ADGB: variants seen among roughly 807,000 people sequenced by gnomAD.
The protein encoded by ADGB is androglobin.
In ADGB, 172 loss-of-function variants were observed where a neutral mutation model predicts 210.5. The ratio of observed to expected loss-of-function variants is 0.82; its 90% CI spans 0.72 to 0.93. The LOEUF is 0.93. Among genes scored for constraint, ADGB ranks in the 40% least tolerant of loss-of-function variants. The pLI is 0.00. For synonymous variants in ADGB, 658 were observed against 662.7 expected, an observed-to-expected ratio of 0.99 and a Z score of 0.11; for missense variants, 2,025 against 1,964.8, an observed-to-expected ratio of 1.03 and a Z score of -0.58.
At chr6:146,773,278 A>G (rs928496133) in intron 29 of ADGB, among the ~76,000 whole-genome samples, 3 of 115,530 alleles carry the variant, frequency 2.6e-5, no homozygotes, top group African/African-American at 7.9e-5. Context: ...AGGCATACAT[A>G]GAGAAAAAAA....
intron 33 of ADGB, among the ~76,000 whole-genome samples, chr6:146,800,137 T>A (rs547297494): frequency 1.4e-3 from 119 of 82,486 alleles, no homozygotes; most frequent in African/African-American, 5.0e-3. Flanking sequence ...TAAACTTTTT[T>A]CTTTTTTTTT....
intron 2 of ADGB, among the ~76,000 whole-genome samples, chr6:146,643,406 C>T (rs566200181): frequency 1.2e-4 from 18 of 151,886 alleles, no homozygotes; most frequent in East Asian, 3.9e-4. Context: ...GAAACTTAGT[C>T]GCTCTTTTTC....
intron 12 of ADGB, among the ~76,000 whole-genome samples, chr6:146,695,913 T>A (rs1414279115): frequency 1.3e-5 from 2 of 152,114 alleles, no homozygotes; most frequent in Non-Finnish European, 2.9e-5. Flanking sequence ...ACCAGTTGAA[T>A]GTAATTGTCC....
chr6:146,814,007 A>ATC (rs66509057), intron 35 of ADGB, among the ~76,000 whole-genome samples: 50,030 of 99,054 alleles, frequency 0.51, 10,391 homozygotes, highest in African/African-American at 0.7. Context: ...TCTCCTTAAA[A>ATC]TCTCTCTCTC....
At chr6:146,710,132 C>CAT (rs1318330007) in intron 13 of ADGB, among the ~76,000 whole-genome samples, 3 of 150,348 alleles carry the variant, frequency 2.0e-5, no homozygotes, top group South Asian at 2.1e-4. Flanking sequence ...AATCATATTA[C>CAT]ATATATATAT....
At chr6:146,657,127 C>T (rs1388099198) in intron 5 of ADGB, 147 bp downstream of exon 5, 50 of 696,348 alleles carry the variant, frequency 7.2e-5, no homozygotes, top group South Asian at 4.2e-5. Context: ...GAGTTCGCAA[C>T]CAGCCTGGGC....
intron 20 of ADGB, among the ~76,000 whole-genome samples, chr6:146,730,158 C>T (rs1776958402): frequency 6.6e-6 from 1 of 152,120 alleles, no homozygotes; most frequent in South Asian, 2.1e-4. Flanking sequence ...TATAAAATTA[C>T]TTATATAAAA....
In ADGB at chr6:146,784,677, G is replaced by A; in HGVS notation, c.4095G>A (p.Leu1365=). 6.4e-7 allele frequency: 1 copy of A among 1,551,208 alleles called. No individual in the cohort carries two copies. Among genetic ancestry groups the A allele is most frequent in the Non-Finnish European group, 8.7e-7 (1 of 1,146,682 alleles). ...DPNKPYWILR[L]VTEHNESELF... is the part of the protein sequence containing the mutation. ...ATAAACCCTACTGGATTTTGAGGTT[G>A]GTCACTGAACACAATGAATCAGAAT... is the stretch of plus-strand genomic sequence containing the variant. Residue 1365 remains leucine, a synonymous_variant, in exon 31 of 36, where the codon TTG becomes TTA. Transcript: ENST00000397944.
At chr6:146,801,420 C>A (rs1014180196) in intron 34 of ADGB, 141 bp downstream of exon 34, 17 of 457,354 alleles carry the variant, frequency 3.7e-5, no homozygotes, top group Non-Finnish European at 6.0e-5. Context: ...TCTATCACAC[C>A]TGCTACCATT....
In ADGB at chr6:146,746,067, T is replaced by C; in HGVS notation, c.3323T>C (p.Ile1108Thr). ...SPCNSFAIKE[I>T]RDYYIPNDKK... The stretch of plus-strand genomic sequence containing the variant: ...TGCAATTCCTTTGCCATAAAGGAAA[T>C]CCGAGATTACTACATACCCAATGAT... Residue 1108 changes from isoleucine (I) to threonine (T), a missense_variant, in exon 26 of 36, where the codon ATC (isoleucine) becomes ACC (threonine). Ile to Thr is a moderately conservative substitution (Grantham distance 89). Transcript: ENST00000397944. 1 of 1,550,764 alleles carries C rather than the reference T, an allele frequency of 6.4e-7. No homozygotes were observed. The highest frequency in any genetic ancestry group is 8.7e-7 in the Non-Finnish European group (1 of 1,146,384).
intron 8 of ADGB, among the ~76,000 whole-genome samples, chr6:146,674,396 A>T (rs1776057697): frequency 6.6e-6 from 1 of 151,946 alleles, no homozygotes; most frequent in Non-Finnish European, 1.5e-5. Flanking sequence ...TCCTGCTGAG[A>T]TGACTGCAGT....
intron 1 of ADGB, among the ~76,000 whole-genome samples, chr6:146,604,892 G>A (rs1354989574): frequency 6.6e-6 from 1 of 152,182 alleles, no homozygotes; most frequent in African/African-American, 2.4e-5. Context: ...AATGAGGGCT[G>A]TAGGAGTTAG....
chr6:146,714,387 G>A (rs1018034351), intron 13 of ADGB, among the ~76,000 whole-genome samples: 1 of 152,138 alleles, frequency 6.6e-6, no homozygotes, highest in African/African-American at 2.4e-5. Flanking sequence ...ACAGGGAATG[G>A]TATATACTTG....
At chr6:146,733,351 C>A in intron 21 of ADGB, 96 bp downstream of exon 21, 2 of 1,224,798 alleles carry the variant, frequency 1.6e-6, no homozygotes, top group Non-Finnish European at 2.2e-6. Context: ...TGGAATAAGT[C>A]TGTGTGGACT....
At chr6:146,628,778 A>G (rs1781017966) in intron 1 of ADGB, among the ~76,000 whole-genome samples, 1 of 151,972 alleles carries the variant, frequency 6.6e-6, no homozygotes, top group Non-Finnish European at 1.5e-5. Context: ...GAATTGCCTC[A>G]CACTGGGCAC....
chr6:146,662,132 T>C (rs1185975538), intron 5 of ADGB, among the ~76,000 whole-genome samples: 1 of 152,176 alleles, frequency 6.6e-6, no homozygotes, highest in Non-Finnish European at 1.5e-5. Context: ...TTATCCTATT[T>C]GGTTTAGTCT....
intron 7 of ADGB, among the ~76,000 whole-genome samples, chr6:146,668,341 G>T (rs1775964203): frequency 6.6e-6 from 1 of 152,078 alleles, no homozygotes; most frequent in Non-Finnish European, 1.5e-5. Context: ...GGAGGTTGAA[G>T]ACAGGCCCTA....
chr6:146,784,186 C>T (rs1325193492), intron 30 of ADGB, among the ~76,000 whole-genome samples: 1 of 152,126 alleles, frequency 6.6e-6, no homozygotes, highest in African/African-American at 2.4e-5. Context: ...TTCTAATTCT[C>T]ACACCTCATC....
At chr6:146,787,163 G>C (rs1029792943) in intron 32 of ADGB, among the ~76,000 whole-genome samples, 4 of 152,160 alleles carry the variant, frequency 2.6e-5, no homozygotes, top group Non-Finnish European at 5.9e-5. Flanking sequence ...AGGGCTCAGA[G>C]ACCCTGACCC....
Sources: allele counts gnomAD v4.1 joint callset (sites outside exome capture counted in the v4.1 genomes callset), GRCh38; gene constraint gnomAD v4.1.1; transcripts MANE v1.5; gene names NCBI Gene and HGNC (gene_info 2026-07-23, HGNC 2026-07-21).